The following ADCY10 variants were observed in gnomAD, a reference collection of about 807,000 sequenced individuals.
The protein encoded by ADCY10 is adenylate cyclase type 10.
In ADCY10, 156 loss-of-function variants were observed where a neutral mutation model predicts 183.3. The observed-to-expected ratio is 0.85, with a 90% CI of 0.75 to 0.97. The LOEUF is 0.97. Ranked by LOEUF, ADCY10 falls within the 50% of genes least tolerant of loss-of-function variation. ADCY10 has a pLI of 0.00. For missense variants in ADCY10, 1,745 were observed against 1,934.3 expected, an observed-to-expected ratio of 0.90 and a Z score of 1.84; for synonymous variants, 645 against 670.0, an observed-to-expected ratio of 0.96 and a Z score of 0.58.
chr1:167,883,071 G>A (rs983253216), intron 9 of ADCY10, among the ~76,000 whole-genome samples: 3 of 152,200 alleles, frequency 2.0e-5, no homozygotes, highest in African/African-American at 4.8e-5. Flanking sequence ...GGAGTCTCAC[G>A]CTATAGCCCA....
In ADCY10 at chr1:167,834,000, C is replaced by A. The variant is rs200270795; in HGVS notation, c.3387G>T (p.Glu1129Asp). ...KKDKSWSQTF[E>D]SATFYSLKGE... ...CTTTGAGGCTGTAAAAGGTGGCAGACTCAAATGTCTGGCTCCAAGATTTGT... is the reference window on the plus strand; with the variant it reads ...CTTTGAGGCTGTAAAAGGTGGCAGAATCAAATGTCTGGCTCCAAGATTTGT... Residue 1129 changes from glutamate (E) to aspartate (D), a missense_variant, in exon 24 of 33, where the codon GAG becomes GAT. By Grantham distance (45) the Glu-to-Asp change is conservative. Coordinates refer to ENST00000367851, the MANE Select transcript of ADCY10 (RefSeq NM_018417.6). 1.1e-5 allele frequency: 18 copies of A among 1,614,152 alleles called. No homozygotes were observed. In the East Asian group the frequency reaches 4.0e-4, roughly 36 times the overall value.
chr1:167,894,629 G>GTA (rs1348624213), intron 7 of ADCY10, among the ~76,000 whole-genome samples: 1 of 152,130 alleles, frequency 6.6e-6, no homozygotes, highest in African/African-American at 2.4e-5. Flanking sequence ...ATGTGTGTGT[G>GTA]TGTGTGTGTT....
At chr1:167,825,101 T>C (rs1663184714) in intron 26 of ADCY10, among the ~76,000 whole-genome samples, 1 of 152,232 alleles carries the variant, frequency 6.6e-6, no homozygotes, top group African/African-American at 2.4e-5. Context: ...AAAATTTTAA[T>C]TTCTGTGAAA....
At chr1:167,849,528 C>A (rs910059076) in intron 18 of ADCY10, among the ~76,000 whole-genome samples, 1 of 152,172 alleles carries the variant, frequency 6.6e-6, no homozygotes, top group African/African-American at 2.4e-5. Flanking sequence ...ATACAGTAAG[C>A]ACCAGAGTTC....
At chr1:167,823,631 A>T (rs1663070326) in intron 28 of ADCY10, among the ~76,000 whole-genome samples, 1 of 152,154 alleles carries the variant, frequency 6.6e-6, no homozygotes, top group Non-Finnish European at 1.5e-5. Context: ...ATTGAATAAA[A>T]AAAGCAGTGG....
chr1:167,901,872 T>C lies in ADCY10; in HGVS notation c.293-67A>G, dbSNP rs929771576. 6 of 1,612,792 alleles carry C rather than the reference T, an allele frequency of 3.7e-6. No homozygotes were observed. The African/African-American group carries it at 8.1e-5, about 22-fold the overall frequency. ...GGATCAATCTATTTTGTATGAGATCTGTATAGAAACTTACTCATCAAGCAT... is the reference window on the plus strand; with the variant it reads ...GGATCAATCTATTTTGTATGAGATCCGTATAGAAACTTACTCATCAAGCAT... On this transcript the variant is annotated intron_variant, in intron 4 of 32. Transcript: ENST00000367851.
chr1:167,865,779 A>G (rs1666634078), intron 14 of ADCY10, among the ~76,000 whole-genome samples: 1 of 152,214 alleles, frequency 6.6e-6, no homozygotes, highest in Non-Finnish European at 1.5e-5. Flanking sequence ...ACATTAAACA[A>G]AAGCAGTTGT....
intron 13 of ADCY10, 69 bp downstream of exon 13, chr1:167,875,062 T>C (rs1667355014): frequency 5.0e-6 from 6 of 1,208,972 alleles, no homozygotes; most frequent in Admixed American, 1.7e-5. Context: ...ACAGTTATCA[T>C]TGATGTACTT....
At chr1:167,859,690 C>A (rs1666154107) in intron 16 of ADCY10, 117 bp downstream of exon 16, 1 of 812,300 alleles carries the variant, frequency 1.2e-6, no homozygotes, top group Admixed American at 1.7e-5. Context: ...TAGGACAAAG[C>A]CTTCACATCC....
In ADCY10 at chr1:167,848,121, G is replaced by A. The variant is rs112827184; in HGVS notation, c.2437+240C>T. Reference sequence around the variant, plus strand: ...CTCACTCTGTCACCCAGGCTGGAGTGCAGTGGCTCACTGCAACCTCCGCCT... The same window carrying A: ...CTCACTCTGTCACCCAGGCTGGAGTACAGTGGCTCACTGCAACCTCCGCCT... On this transcript the variant is annotated intron_variant, in intron 19 of 32. Transcript: ENST00000367851. 0.086 allele frequency among the ~76,000 whole-genome samples: 12,989 copies of A among 151,632 alleles called. 669 individuals carry two copies. The highest frequency in any genetic ancestry group is 0.14 in the African/African-American group (5,927 of 41,324).
intron 8 of ADCY10, among the ~76,000 whole-genome samples, chr1:167,892,081 T>C (rs1668638574): frequency 6.6e-6 from 1 of 151,788 alleles, no homozygotes; most frequent in South Asian, 2.1e-4. Flanking sequence ...CAAGTGATCC[T>C]CTCACCTCAG....
intron 31 of ADCY10, among the ~76,000 whole-genome samples, chr1:167,813,481 T>C (rs1045666923): frequency 6.6e-6 from 1 of 151,988 alleles, no homozygotes; most frequent in African/African-American, 2.4e-5. Flanking sequence ...CCACCAGGAC[T>C]TTCTTCCAAA....
Position 167,854,504 on chromosome 1 carries a change from A to G in ADCY10, c.2172-15T>C. The G allele has an allele frequency of 1.2e-6, 2 of 1,614,152 alleles. No individual in the cohort carries two copies. The highest frequency in any genetic ancestry group is 1.7e-6 in the Non-Finnish European group (2 of 1,179,978). On this transcript the variant is annotated splice_polypyrimidine_tract_variant and intron_variant, in intron 17 of 32. Transcript: ENST00000367851. ...CCCCCAGGTACCTGTAGTGAAAACA[A>G]GGCAATCTGTTTACATTGAAGATAC...
rs189843989 is a variant in ADCY10, at chr1:167,897,865, G to A, written c.643-1174C>T. Among the ~76,000 whole-genome samples the A allele has an allele frequency of 1.5e-3, 28 of 18,352 alleles. No homozygotes were observed. In the Admixed American group the frequency reaches 0.016, roughly 11 times the overall value. 12.0% of individuals were successfully genotyped at this position (18,352 alleles called of 152,430 possible). A position where few individuals can be genotyped will look rare whatever the true frequency, so the allele number is the denominator to read the frequency against. On this transcript the variant is annotated intron_variant, in intron 6 of 32. Transcript: ENST00000367851. ...CAAAAAATTAGCCGGGCGTACTGGC[G>A]GGCGCCTGTAGTCCCAGCTACTTGG... is the stretch of plus-strand genomic sequence containing the variant.
At chr1:167,863,411 C>T (rs775315652) in intron 14 of ADCY10, among the ~76,000 whole-genome samples, 4 of 152,120 alleles carry the variant, frequency 2.6e-5, no homozygotes, top group East Asian at 1.9e-4. Context: ...CCCTCTCATG[C>T]GGACCCCCTT....
intron 25 of ADCY10, 143 bp from the exon 26 acceptor site, chr1:167,829,566 A>G: frequency 1.2e-6 from 1 of 868,472 alleles, no homozygotes; most frequent in Non-Finnish European, 1.9e-6. Context: ...ATGACTGACA[A>G]ACAAGCACAT....
intron 6 of ADCY10, among the ~76,000 whole-genome samples, chr1:167,897,349 T>G (rs368819834): frequency 1.1e-4 from 16 of 149,352 alleles, no homozygotes; most frequent in African/African-American, 3.7e-4. Context: ...AAAAAAAAAT[T>G]AGCCAGGTGT....
intron 21 of ADCY10, among the ~76,000 whole-genome samples, chr1:167,842,443 G>A (rs1441524457): frequency 6.6e-6 from 1 of 152,088 alleles, no homozygotes; most frequent in Non-Finnish European, 1.5e-5. Context: ...TTACAAGCGT[G>A]AGCCACCACA....
chr1:167,885,968 A>C (rs1668195370), intron 8 of ADCY10, among the ~76,000 whole-genome samples: 2 of 152,048 alleles, frequency 1.3e-5, no homozygotes, highest in Non-Finnish European at 2.9e-5. Flanking sequence ...TTTTCTATAG[A>C]GCTGTTACAG....
Sources: allele counts gnomAD v4.1 joint callset (sites outside exome capture counted in the v4.1 genomes callset), GRCh38; gene constraint gnomAD v4.1.1; transcripts MANE v1.5; gene names NCBI Gene and HGNC (gene_info 2026-07-23, HGNC 2026-07-21).